The following HAUS8 variants were observed in gnomAD, a reference collection of about 807,000 sequenced individuals.
HAUS8 encodes the protein HAUS augmin like complex subunit 8, also known as HAUS augmin-like complex subunit 8.
In HAUS8, 38 loss-of-function variants were observed where a neutral mutation model predicts 42.9. The observed-to-expected ratio is 0.89, with a 90% CI of 0.68 to 1.16. HAUS8 has a LOEUF of 1.16. HAUS8 is among the 50% of genes most tolerant of loss of function. The probability of loss-of-function intolerance (pLI) is 0.00; values close to 1 mark genes in which losing one functional copy is unlikely to be tolerated. For missense variants in HAUS8, 494 were observed against 511.6 expected, an observed-to-expected ratio of 0.97 and a Z score of 0.33; for synonymous variants, 199 against 205.8, an observed-to-expected ratio of 0.97 and a Z score of 0.28.
At chr19:17,070,931 G>A (rs1045943342) in intron 2 of HAUS8, among the ~76,000 whole-genome samples, 14 of 152,192 alleles carry the variant, frequency 9.2e-5, no homozygotes, top group South Asian at 2.1e-4. Context: ...TTAGCCAGGC[G>A]TGGTGGCATG....
At position 17,058,578 on chromosome 19, in the gene HAUS8, G is replaced by C. The variant is rs376846602; in HGVS notation, c.616C>G (p.Arg206Gly). 6.2e-7 allele frequency: 1 copy of C among 1,608,206 alleles called. No individual in the cohort carries two copies. Among genetic ancestry groups the C allele is most frequent in the Non-Finnish European group, 8.5e-7 (1 of 1,177,950 alleles). Residue 206 changes from arginine to glycine, a missense_variant, in exon 8 of 11, where the codon CGG becomes GGG. Coordinates refer to ENST00000253669, the MANE Select transcript of HAUS8 (RefSeq NM_033417.2). The stretch of plus-strand genomic sequence containing the variant: ...GCATCCAGGACATCTGCCAGCTCCC[G>C]CTTCCTCTGAGAGAGGAGAAGCCTG... ...KRRLLLSQRK[R>G]ELADVLDAQI...
chr19:17,073,207 C>T, intron 2 of HAUS8, 67 bp downstream of exon 2: 5 of 1,429,802 alleles, frequency 3.5e-6, no homozygotes, highest in Non-Finnish European at 4.9e-6. Flanking sequence ...CTGTTTTTTT[C>T]TTCCTCCAAA....
In HAUS8 at chr19:17,071,057, A is replaced by G. The variant is rs955465491; in HGVS notation, c.92-1971T>C. ...TGCACTCCAGCCTGGCGACAGAGTT[A>G]GACTTTGTCTCATAAAAAAAAAAAA... is the stretch of plus-strand genomic sequence containing the variant. On this transcript the variant is annotated intron_variant, in intron 2 of 10. Transcript: ENST00000253669. 4.5e-5 allele frequency among the ~76,000 whole-genome samples: 6 copies of G among 134,358 alleles called. No individual in the cohort carries two copies. The East Asian group carries it at 1.3e-3, about 29-fold the overall frequency. The allele number at this position is 134,358 out of a possible 152,430, so 88.1% of individuals were successfully genotyped here.
At chr19:17,052,790 G>T (rs766270625) in intron 10 of HAUS8, 35 bp downstream of exon 10, 1 of 1,613,122 alleles carries the variant, frequency 6.2e-7, no homozygotes, top group African/African-American at 1.3e-5. Context: ...AGCAAACAGG[G>T]TGCCACCTCT....
At chr19:17,052,744 G>A (rs1599967986) in intron 10 of HAUS8, 81 bp downstream of exon 10, 32 of 1,504,468 alleles carry the variant, frequency 2.1e-5, no homozygotes, top group Non-Finnish European at 2.8e-5. Context: ...AGAGGAACTC[G>A]GCACCACCCC....
chr19:17,058,301 A>G (rs1452520515), intron 8 of HAUS8, among the ~76,000 whole-genome samples: 1 of 152,248 alleles, frequency 6.6e-6, no homozygotes, highest in Non-Finnish European at 1.5e-5. Flanking sequence ...GGCGCTCAGG[A>G]AGTCTCTGCA....
At position 17,060,057 on chromosome 19, in the gene HAUS8, A is replaced by G; in HGVS notation, c.265T>C (p.Ser89Pro). Residue 89 changes from serine to proline, a missense_variant, in exon 5 of 11, where the codon TCC becomes CCC. Ser to Pro is a moderately conservative substitution (Grantham distance 74, BLOSUM62 -1). Coordinates refer to ENST00000253669, the MANE Select transcript of HAUS8 (RefSeq NM_033417.2). Reference protein sequence around the residue: ...SSGVGKGDLQSTLLEGHGTAP... With the variant: ...SSGVGKGDLQPTLLEGHGTAP... Reference sequence around the variant, plus strand: ...GTGCCATGCCCTTCCAGCAACGTGGACTGCAGGTCACCCTTTCCGACCCCA... The same window carrying G: ...GTGCCATGCCCTTCCAGCAACGTGGGCTGCAGGTCACCCTTTCCGACCCCA... The G allele has an allele frequency of 1.9e-6, 3 of 1,613,578 alleles. No individual in the cohort carries two copies. The highest frequency in any genetic ancestry group is 2.5e-6 in the Non-Finnish European group (3 of 1,179,618).
intron 2 of HAUS8, among the ~76,000 whole-genome samples, chr19:17,069,825 C>T (rs1325971864): frequency 6.6e-6 from 1 of 152,080 alleles, no homozygotes; most frequent in Non-Finnish European, 1.5e-5. Context: ...CCTGTTTCCT[C>T]CTTCACTGGG....
chr19:17,074,210 G>GGGGCAAGTGGAT lies in HAUS8; in HGVS notation c.30-887_30-876dup, dbSNP rs1229830493. On this transcript the variant is annotated intron_variant, in intron 1 of 10. Coordinates refer to ENST00000253669, the MANE Select transcript of HAUS8 (RefSeq NM_033417.2). ...AAGAACAGACACCAGCAACACAGGA[G>GGGGCAAGTGGAT]GGGCAAGTGGATGGGCAAGTGGAGG... 4 of 152,646 alleles carry GGGGCAAGTGGAT rather than the reference G, an allele frequency of 2.6e-5. No homozygotes were observed. The South Asian group carries it at 6.2e-4, about 24-fold the overall frequency. The allele number at this position is 152,646 out of a possible 1,614,324, so 9.5% of individuals were successfully genotyped here. A position where few individuals can be genotyped will look rare whatever the true frequency, so the allele number is the denominator to read the frequency against.
At chr19:17,068,567 G>C (rs577653372) in intron 3 of HAUS8, among the ~76,000 whole-genome samples, 1 of 152,138 alleles carries the variant, frequency 6.6e-6, no homozygotes, top group African/African-American at 2.4e-5. Flanking sequence ...AGTAGCTCAA[G>C]ATCAGCCTGG....
Position 17,049,982 on chromosome 19 carries a change from G to A in HAUS8, c.1124C>T (p.Ser375Leu), listed in dbSNP as rs377195007. 151 of 1,601,106 alleles carry A rather than the reference G, an allele frequency of 9.4e-5. No homozygotes were observed. The highest frequency in any genetic ancestry group is 1.2e-4 in the Non-Finnish European group (140 of 1,174,302). Reference protein sequence around the residue: ...PLSEDDNPGASSAPAQATFIS... With the variant: ...PLSEDDNPGALSAPAQATFIS... ...GAACGTGGCCTGAGCGGGGGCTGAC[G>A]AGGCACCCGGGTTGTCGTCCTCAGA... Residue 375 changes from serine to leucine, a missense_variant, in exon 11 of 11, where the codon TCG becomes TTG. Ser to Leu is a moderately radical substitution (Grantham distance 145). Transcript: ENST00000253669.
intron 10 of HAUS8, among the ~76,000 whole-genome samples, chr19:17,050,396 T>C (rs2057280270): frequency 6.6e-6 from 1 of 152,046 alleles, no homozygotes; most frequent in South Asian, 2.1e-4. Flanking sequence ...CAAGAAATGT[T>C]CATGGAGCTC....
chr19:17,071,079 A>AAC (rs1047039958), intron 2 of HAUS8, among the ~76,000 whole-genome samples: 4 of 151,766 alleles, frequency 2.6e-5, no homozygotes, highest in African/African-American at 7.3e-5. Context: ...ATAAAAAAAA[A>AAC]AAAACGGTTC....
At chr19:17,071,070 T>TA (rs66941823) in intron 2 of HAUS8, among the ~76,000 whole-genome samples, 51,477 of 146,824 alleles carry the variant, frequency 0.35, 9,512 homozygotes, top group South Asian at 0.47. Flanking sequence ...CTTTGTCTCA[T>TA]AAAAAAAAAA....
intron 2 of HAUS8, among the ~76,000 whole-genome samples, chr19:17,071,272 G>A (rs2057421806): frequency 6.6e-6 from 1 of 152,178 alleles, no homozygotes; most frequent in African/African-American, 2.4e-5. Flanking sequence ...TACCCTGAGA[G>A]GAAAGGAGGT....
At chr19:17,070,124 C>T (rs998448159) in intron 2 of HAUS8, among the ~76,000 whole-genome samples, 8 of 151,734 alleles carry the variant, frequency 5.3e-5, no homozygotes, top group Non-Finnish European at 8.8e-5. Flanking sequence ...TGACAGCAAA[C>T]ACCCCAAGTT....
intron 4 of HAUS8, among the ~76,000 whole-genome samples, chr19:17,062,462 C>A (rs779881263): frequency 6.6e-6 from 1 of 152,130 alleles, no homozygotes; most frequent in Non-Finnish European, 1.5e-5. Flanking sequence ...AAAGCAGTAC[C>A]ATGATGGCAA....
chr19:17,062,804 A>G, intron 3 of HAUS8, 25 bp from the exon 4 acceptor site: 1 of 1,562,584 alleles, frequency 6.4e-7, no homozygotes, highest in Non-Finnish European at 8.8e-7. Flanking sequence ...CATGACACTC[A>G]GAGGACAAGA....
At chr19:17,061,770 T>C (rs1250902053) in intron 4 of HAUS8, among the ~76,000 whole-genome samples, 1 of 152,152 alleles carries the variant, frequency 6.6e-6, no homozygotes, top group Non-Finnish European at 1.5e-5. Context: ...TGCCTAAGCG[T>C]TCCCTGGGGG....
Sources: gnomAD v4.1 joint callset for allele counts (sites outside exome capture counted in the v4.1 genomes callset) on GRCh38, gnomAD v4.1.1 for gene constraint, MANE v1.5 for transcripts, NCBI Gene and HGNC (gene_info 2026-07-23, HGNC 2026-07-21) for gene names.